AGMO: variants seen among roughly 807,000 people sequenced by gnomAD.
AGMO encodes the protein alkylglycerol monooxygenase.
Under a neutral mutation model 60.2 loss-of-function variants are expected in AGMO, and 75 were observed. The ratio of observed to expected loss-of-function variants is 1.25; its 90% CI spans 1.03 to 1.51. The LOEUF is 1.51. Among genes scored for constraint, AGMO ranks in the 40% most tolerant of loss-of-function variants. AGMO has a pLI of 0.00. For synonymous variants in AGMO, 261 were observed against 177.1 expected, an observed-to-expected ratio of 1.47 and a Z score of -3.76; for missense variants, 763 against 525.5, an observed-to-expected ratio of 1.45 and a Z score of -4.42.
chr7:15,278,786 C>G (rs1320623271), intron 12 of AGMO, among the ~76,000 whole-genome samples: 2 of 152,200 alleles, frequency 1.3e-5, no homozygotes, highest in Non-Finnish European at 2.9e-5. Context: ...ATTGCTGTGG[C>G]AGCCAAGGAC....
the AGMO span, among the ~76,000 whole-genome samples, chr7:15,153,549 C>T: frequency 5.9e-5 from 9 of 152,060 alleles, no homozygotes; most frequent in African/African-American, 2.2e-4. Context: ...CAGTTTCATT[C>T]TTCTGCATGT....
intron 3 of AGMO, among the ~76,000 whole-genome samples, chr7:15,529,589 T>G (rs1324451625): frequency 5.7e-5 from 5 of 87,780 alleles, no homozygotes; most frequent in Non-Finnish European, 1.1e-4. Flanking sequence ...ATATATAGTA[T>G]ATAAACTCTA....
At position 15,232,041 on chromosome 7, in the gene AGMO, T is replaced by C. The variant is rs531795702; in HGVS notation, c.1264-30682A>G. ...CCCCAAAGTCATATTTGTCATATAATTGTATCTGTTTTCAATCTCTCTCAC... is the reference window on the plus strand; with the variant it reads ...CCCCAAAGTCATATTTGTCATATAACTGTATCTGTTTTCAATCTCTCTCAC... On this transcript the variant is annotated intron_variant, in intron 12 of 12. Transcript: ENST00000342526. Among the ~76,000 whole-genome samples the C allele has an allele frequency of 1.6e-4, 25 of 152,302 alleles. No individual in the cohort carries two copies. The South Asian group carries it at 2.7e-3, about 16-fold the overall frequency.
At chr7:15,254,245 T>C (rs1396801201) in intron 12 of AGMO, among the ~76,000 whole-genome samples, 1 of 152,160 alleles carries the variant, frequency 6.6e-6, no homozygotes, top group Non-Finnish European at 1.5e-5. Flanking sequence ...CTTTTCAATA[T>C]TTACACAGTA....
chr7:15,327,641 C>A (rs1563089686), intron 12 of AGMO, among the ~76,000 whole-genome samples: 3 of 150,594 alleles, frequency 2.0e-5, no homozygotes, highest in African/African-American at 7.3e-5. Flanking sequence ...CAATGGGAGA[C>A]TATATAGGAA....
At chr7:15,128,091 A>G in the AGMO span, among the ~76,000 whole-genome samples, 13 of 152,198 alleles carry the variant, frequency 8.5e-5, no homozygotes, top group South Asian at 2.1e-3. Context: ...TTAGAGCATC[A>G]GTCCTGCCTT....
intron 3 of AGMO, among the ~76,000 whole-genome samples, chr7:15,495,334 C>G (rs911540249): frequency 6.6e-6 from 1 of 152,092 alleles, no homozygotes; most frequent in Non-Finnish European, 1.5e-5. Context: ...AATAACTACC[C>G]TTTCCTTTTT....
In AGMO at chr7:15,513,677, G is replaced by T. The variant is rs532871204; in HGVS notation, c.409+31095C>A. 5.9e-5 allele frequency among the ~76,000 whole-genome samples: 9 copies of T among 152,242 alleles called. No homozygotes were observed. The South Asian group carries it at 1.9e-3, about 32-fold the overall frequency. On this transcript the variant is annotated intron_variant, in intron 3 of 12. Coordinates refer to ENST00000342526, the MANE Select transcript of AGMO (RefSeq NM_001004320.2). ...AATTTTCTGTCCTTATTGTTTTCAA[G>T]ATTGGGCTTGGAGATCTCTCACTAT...
At chr7:15,504,244 C>A (rs1562540487) in intron 3 of AGMO, among the ~76,000 whole-genome samples, 2 of 151,976 alleles carry the variant, frequency 1.3e-5, no homozygotes, top group Admixed American at 6.6e-5. Context: ...ATATCTTCTC[C>A]TTCCTTCTTT....
chr7:15,201,267 A>G lies in AGMO; in HGVS notation c.*18T>C. 1.3e-6 allele frequency: 2 copies of G among 1,581,748 alleles called. No individual in the cohort carries two copies. Among genetic ancestry groups the G allele is most frequent in the South Asian group, 1.1e-5 (1 of 87,692 alleles). ...GTGGACAACTCATTAAAAGAAGAGA[A>G]TTATGTACAAATTCAGGTTATTTCC... On this transcript the variant is annotated 3_prime_UTR_variant, in exon 13 of 13. Transcript: ENST00000342526.
chr7:15,357,645 T>G (rs6973638), intron 12 of AGMO, among the ~76,000 whole-genome samples: 43 of 152,080 alleles, frequency 2.8e-4, no homozygotes, highest in African/African-American at 1.0e-3. Context: ...CCTTGCAGAT[T>G]TTGCAACTGC....
At chr7:15,188,672 TG>T in the AGMO span, among the ~76,000 whole-genome samples, 1 of 152,140 alleles carries the variant, frequency 6.6e-6, no homozygotes. Flanking sequence ...TTAGAGTATG[TG>T]GAAACGAGAA....
intron 12 of AGMO, among the ~76,000 whole-genome samples, chr7:15,357,363 GACAA>G (rs1782578743): frequency 2.0e-5 from 3 of 151,914 alleles, no homozygotes; most frequent in Admixed American, 2.0e-4. Context: ...GATGACTTCA[GACAA>G]ACATTCTGTG....
chr7:15,198,901 C>T (rs1011347027), downstream of AGMO, among the ~76,000 whole-genome samples: 14 of 152,144 alleles, frequency 9.2e-5, no homozygotes. Context: ...GAGTTCGAAT[C>T]TTGTAGCCTC....
intron 3 of AGMO, among the ~76,000 whole-genome samples, chr7:15,526,526 G>C (rs748427519): frequency 1.3e-5 from 2 of 152,136 alleles, no homozygotes; most frequent in Non-Finnish European, 2.9e-5. Flanking sequence ...TTGCCTGTAA[G>C]TCTTACCTCC....
At chr7:15,209,478 T>C (rs928383499) in intron 12 of AGMO, among the ~76,000 whole-genome samples, 1 of 152,112 alleles carries the variant, frequency 6.6e-6, no homozygotes, top group Non-Finnish European at 1.5e-5. Flanking sequence ...CTTGAAAAGA[T>C]ATGTTTTGAA....
At chr7:15,511,469 T>C (rs750380121) in intron 3 of AGMO, among the ~76,000 whole-genome samples, 7 of 151,794 alleles carry the variant, frequency 4.6e-5, no homozygotes, top group Non-Finnish European at 1.0e-4. Context: ...GATAGAGTGG[T>C]GGTTATTAGG....
intron 10 of AGMO, among the ~76,000 whole-genome samples, chr7:15,374,172 A>C (rs1213767292): frequency 6.6e-6 from 1 of 151,584 alleles, no homozygotes; most frequent in African/African-American, 2.4e-5. Context: ...GAGTCTCAAG[A>C]ATCTGTCTTG....
At chr7:15,186,989 G>C in the AGMO span, among the ~76,000 whole-genome samples, 1 of 152,182 alleles carries the variant, frequency 6.6e-6, no homozygotes, top group Non-Finnish European at 1.5e-5. Flanking sequence ...CTGAAATAGA[G>C]AAGAAATTTA....
Sources: gnomAD v4.1 joint callset for allele counts (sites outside exome capture counted in the v4.1 genomes callset) on GRCh38, gnomAD v4.1.1 for gene constraint, MANE v1.5 for transcripts, NCBI Gene and HGNC (gene_info 2026-07-23, HGNC 2026-07-21) for gene names.